Variants in SYT1 observed in about 807,000 individuals in gnomAD.
SYT1 encodes the protein synaptotagmin-1.
In SYT1, 8 loss-of-function variants were observed where a neutral mutation model predicts 44.8. That is an observed-to-expected ratio of 0.18 (90% CI 0.10 to 0.32). SYT1 has a LOEUF of 0.32. Among genes scored for constraint, SYT1 ranks in the 10% least tolerant of loss-of-function variants. The probability of loss-of-function intolerance (pLI) is 1.00; values close to 1 mark genes in which losing one functional copy is unlikely to be tolerated. For missense variants in SYT1, 286 were observed against 509.3 expected, an observed-to-expected ratio of 0.56 and a Z score of 4.22; for synonymous variants, 154 against 188.8, an observed-to-expected ratio of 0.82 and a Z score of 1.51.
At chr12:79,067,268 A>G (rs917941555) in intron 3 of SYT1, among the ~76,000 whole-genome samples, 3 of 152,100 alleles carry the variant, frequency 2.0e-5, no homozygotes, top group African/African-American at 7.2e-5. Context: ...TTTTTTTCAA[A>G]TGTCCATTGT....
chr12:79,308,649 A>AAAGG (rs1565901631), intron 8 of SYT1, among the ~76,000 whole-genome samples: 1 of 135,922 alleles, frequency 7.4e-6, no homozygotes, highest in Non-Finnish European at 1.7e-5. Context: ...AGAAAGAAAG[A>AAAGG]AAGAAAGAAA....
intron 9 of SYT1, among the ~76,000 whole-genome samples, chr12:79,426,876 G>C (rs185300969): frequency 1.3e-5 from 2 of 152,146 alleles, no homozygotes; most frequent in African/African-American, 2.4e-5. Flanking sequence ...ATCATTGGGG[G>C]AGTTTCCCCC....
chr12:78,887,257 C>G (rs956844835), intron 1 of SYT1, among the ~76,000 whole-genome samples: 1 of 151,954 alleles, frequency 6.6e-6, no homozygotes, highest in Admixed American at 6.6e-5. Flanking sequence ...GTGTTATCCA[C>G]CCGTTAGTCA....
intron 2 of SYT1, among the ~76,000 whole-genome samples, chr12:79,038,572 A>T (rs1160647509): frequency 1.3e-5 from 2 of 152,112 alleles, no homozygotes; most frequent in African/African-American, 4.8e-5. Context: ...CCTTAGGATT[A>T]GTGATATCTG....
chr12:79,015,930 C>T (rs1871777859), intron 2 of SYT1, among the ~76,000 whole-genome samples: 1 of 152,066 alleles, frequency 6.6e-6, no homozygotes, highest in South Asian at 2.1e-4. Context: ...CACAGTGAGT[C>T]CACAGCAGAT....
intron 8 of SYT1, among the ~76,000 whole-genome samples, chr12:79,310,825 T>C (rs1880744329): frequency 6.6e-6 from 1 of 152,226 alleles, no homozygotes; most frequent in African/African-American, 2.4e-5. Flanking sequence ...TTGTCTGTTA[T>C]TGGTGTATAA....
At chr12:78,999,520 T>G (rs191145293) in intron 2 of SYT1, among the ~76,000 whole-genome samples, 184 of 152,332 alleles carry the variant, frequency 1.2e-3, no homozygotes, top group Non-Finnish European at 2.0e-3. Flanking sequence ...TCCTTTTCTT[T>G]TCTAATCCCT....
At chr12:79,017,244 C>T (rs1871867588) in intron 2 of SYT1, among the ~76,000 whole-genome samples, 1 of 152,234 alleles carries the variant, frequency 6.6e-6, no homozygotes, top group South Asian at 2.1e-4. Context: ...GTAGTACATT[C>T]ATTTTATACT....
chr12:79,308,324 A>G (rs1222001377), intron 8 of SYT1, among the ~76,000 whole-genome samples: 1 of 152,084 alleles, frequency 6.6e-6, no homozygotes, highest in Admixed American at 6.5e-5. Context: ...CAGGAGTTCG[A>G]GACCAGCCTG....
At chr12:79,347,359 A>G (rs767974530) in intron 8 of SYT1, among the ~76,000 whole-genome samples, 9 of 152,104 alleles carry the variant, frequency 5.9e-5, no homozygotes, top group Non-Finnish European at 8.8e-5. Flanking sequence ...CCCACATCCA[A>G]TGTTTGGGGG....
At chr12:78,992,243 C>G (rs545822882) in intron 2 of SYT1, among the ~76,000 whole-genome samples, 1 of 152,280 alleles carries the variant, frequency 6.6e-6, no homozygotes, top group African/African-American at 2.4e-5. Context: ...ACTAAGCTCT[C>G]CAACGTATTG....
At chr12:79,053,845 G>T (rs889314046) in intron 3 of SYT1, among the ~76,000 whole-genome samples, 1 of 151,760 alleles carries the variant, frequency 6.6e-6, no homozygotes, top group African/African-American at 2.4e-5. Flanking sequence ...GTTGTTGGTT[G>T]ATTTTTGCTT....
chr12:78,953,677 A>G (rs1879079429), intron 1 of SYT1, among the ~76,000 whole-genome samples: 1 of 152,124 alleles, frequency 6.6e-6, no homozygotes, highest in Non-Finnish European at 1.5e-5. Context: ...CATTAAGAAA[A>G]CACAAATATT....
intron 3 of SYT1, among the ~76,000 whole-genome samples, chr12:79,053,877 A>G (rs1592705605): frequency 6.6e-6 from 1 of 151,852 alleles, no homozygotes; most frequent in Non-Finnish European, 1.5e-5. Flanking sequence ...GATCATCCAG[A>G]AAAAAAATTC....
chr12:78,865,025 A>T lies in SYT1; in HGVS notation c.-301A>T, dbSNP rs1171906511. 6.6e-6 allele frequency: 1 copy of T among 152,208 alleles called. No individual in the cohort carries two copies. Among genetic ancestry groups the T allele is most frequent in the Admixed American group, 6.5e-5 (1 of 15,284 alleles). The allele number at this position is 152,208 out of a possible 1,614,324, so 9.4% of individuals were successfully genotyped here. ...TGCCCCTCCAAGAGCGGAGGCAGCG[A>T]GAGTACGCGTGTGCCTCGCGCCGGT... On this transcript the variant is annotated 5_prime_UTR_variant, in exon 1 of 11. Transcript: ENST00000261205.
intron 1 of SYT1, among the ~76,000 whole-genome samples, chr12:78,942,305 A>G (rs1240386665): frequency 6.6e-6 from 1 of 152,206 alleles, no homozygotes; most frequent in Non-Finnish European, 1.5e-5. Context: ...CAGGCATTCA[A>G]TGACCTTCAA....
At chr12:78,941,366 C>T (rs917762852) in intron 1 of SYT1, among the ~76,000 whole-genome samples, 16 of 150,242 alleles carry the variant, frequency 1.1e-4, no homozygotes, top group African/African-American at 3.2e-4. Flanking sequence ...GTCACCGCAC[C>T]CAGCCTAGAA....
rs1871053448 is a variant in SYT1, at chr12:79,451,418, A to C, written c.*2294A>C. On this transcript the variant is annotated 3_prime_UTR_variant, in exon 11 of 11. Transcript: ENST00000261205. The stretch of plus-strand genomic sequence containing the variant: ...TTGACTGGCTTTTAAAAAGTATTTA[A>C]ATACCACAAATGACATTTAATTTCA... 1.3e-5 allele frequency: 2 copies of C among 152,256 alleles called. No individual in the cohort carries two copies. Among genetic ancestry groups the C allele is most frequent in the South Asian group, 4.1e-4 (2 of 4,830 alleles). 9.4% of individuals were successfully genotyped at this position (152,256 alleles called of 1,614,324 possible).
intron 3 of SYT1, among the ~76,000 whole-genome samples, chr12:79,189,758 G>A (rs1427629897): frequency 6.6e-6 from 1 of 152,064 alleles, no homozygotes; most frequent in Non-Finnish European, 1.5e-5. Flanking sequence ...ACAAAAATTA[G>A]CCAGACATGG....
Sources: gnomAD v4.1 joint callset for allele counts (sites outside exome capture counted in the v4.1 genomes callset) on GRCh38, gnomAD v4.1.1 for gene constraint, MANE v1.5 for transcripts, NCBI Gene and HGNC (gene_info 2026-07-23, HGNC 2026-07-21) for gene names.